TIAM2: variants seen among roughly 807,000 people sequenced by gnomAD.
TIAM2 encodes TIAM Rac1 associated GEF 2.
In TIAM2, 80 loss-of-function variants were observed where a neutral mutation model predicts 152.9. That is an observed-to-expected ratio of 0.52 (90% CI 0.44 to 0.63). The LOEUF (loss-of-function observed/expected upper bound fraction) is 0.63. Ranked by LOEUF, TIAM2 falls within the 30% of genes least tolerant of loss-of-function variation. The probability of loss-of-function intolerance (pLI) is 0.00; values close to 1 mark genes in which losing one functional copy is unlikely to be tolerated. For missense variants in TIAM2, 1,965 were observed against 2,120.1 expected, an observed-to-expected ratio of 0.93 and a Z score of 1.44; for synonymous variants, 804 against 838.0, an observed-to-expected ratio of 0.96 and a Z score of 0.70.
chr6:155,031,990 A>T (rs1193214186), intron 1 of TIAM2, among the ~76,000 whole-genome samples: 1 of 152,176 alleles, frequency 6.6e-6, no homozygotes, highest in East Asian at 1.9e-4. Context: ...TAGGGGCTTG[A>T]AAAGGTAAGA....
chr6:155,203,221 A>G (rs1018088163), intron 14 of TIAM2, among the ~76,000 whole-genome samples: 3 of 152,136 alleles, frequency 2.0e-5, no homozygotes, highest in African/African-American at 4.8e-5. Context: ...ACATAATGCT[A>G]TTATGCCTAG....
chr6:155,222,627 AAAC>A (rs1782094370), intron 15 of TIAM2, among the ~76,000 whole-genome samples: 1 of 84,464 alleles, frequency 1.2e-5, no homozygotes, highest in Non-Finnish European at 2.6e-5. Flanking sequence ...CAAAAAAAAA[AAAC>A]ACAAAAAAAA....
chr6:155,220,152 C>A (rs1399040367), intron 15 of TIAM2, among the ~76,000 whole-genome samples: 2 of 152,224 alleles, frequency 1.3e-5, no homozygotes, highest in Non-Finnish European at 2.9e-5. Flanking sequence ...ATGGTCTGTG[C>A]TGTGGGCTAA....
At chr6:155,192,095 A>G (rs1186316102) in intron 14 of TIAM2, among the ~76,000 whole-genome samples, 1 of 152,114 alleles carries the variant, frequency 6.6e-6, no homozygotes, top group Non-Finnish European at 1.5e-5. Flanking sequence ...TCAGAATCAG[A>G]GAAGTAAATG....
intron 2 of TIAM2, among the ~76,000 whole-genome samples, chr6:155,122,913 C>A (rs910105345): frequency 4.0e-5 from 6 of 151,690 alleles, no homozygotes; most frequent in African/African-American, 1.5e-4. Flanking sequence ...TTTTTCAGCC[C>A]CCTTTCTATT....
At chr6:155,198,794 T>A (rs1202980723) in intron 14 of TIAM2, among the ~76,000 whole-genome samples, 1 of 151,966 alleles carries the variant, frequency 6.6e-6, no homozygotes, top group Non-Finnish European at 1.5e-5. Flanking sequence ...TCTTTATAAA[T>A]CTGATGCAAG....
intron 2 of TIAM2, among the ~76,000 whole-genome samples, chr6:155,104,151 C>T (rs961950122): frequency 2.0e-5 from 3 of 149,986 alleles, no homozygotes; most frequent in Admixed American, 6.8e-5. Context: ...ACTTCAGTCC[C>T]GGGGCTTGTG....
intron 1 of TIAM2, among the ~76,000 whole-genome samples, chr6:155,028,407 G>T (rs1477480454): frequency 4.0e-5 from 5 of 125,758 alleles, no homozygotes; most frequent in Non-Finnish European, 6.4e-5. Flanking sequence ...TATATATACT[G>T]TGTTACATAT....
intron 4 of TIAM2, among the ~76,000 whole-genome samples, chr6:155,131,372 A>C (rs943461063): frequency 6.6e-6 from 1 of 151,712 alleles, no homozygotes; most frequent in African/African-American, 2.4e-5. Flanking sequence ...GTAAGTACAG[A>C]GTTGGAGAGA....
intron 5 of TIAM2, among the ~76,000 whole-genome samples, chr6:155,143,596 T>C (rs1192633505): frequency 6.6e-6 from 1 of 152,218 alleles, no homozygotes; most frequent in African/African-American, 2.4e-5. Context: ...TTCTCATAAA[T>C]GGCAAAGTCC....
Position 155,045,923 on chromosome 6 carries a change from C to T in TIAM2, c.-208-44366C>T, listed in dbSNP as rs544872182. On this transcript the variant is annotated intron_variant, in intron 1 of 26. Transcript: ENST00000682666. The stretch of plus-strand genomic sequence containing the variant: ...TACAACCTACTGCTGTGGTGCCCAG[C>T]TTTAAGGGTTCTGTTTTAATGAGGA... Among the ~76,000 whole-genome samples the T allele has an allele frequency of 1.1e-3, 152 of 142,052 alleles. No homozygotes were observed. The Middle Eastern group carries it at 0.011, about 11-fold the overall frequency. 93.2% of individuals were successfully genotyped at this position (142,052 alleles called of 152,430 possible).
intron 1 of TIAM2, among the ~76,000 whole-genome samples, chr6:155,067,205 T>C (rs995455997): frequency 2.6e-5 from 4 of 152,148 alleles, no homozygotes; most frequent in African/African-American, 7.2e-5. Context: ...CATTCTGGGA[T>C]GGCACAGAGC....
rs1178507479 is a variant in TIAM2 at position 155,256,867 on chromosome 6, G to A, written c.4852G>A (p.Gly1618Ser). The change falls in exon 27 of 27, where the codon GGT becomes AGT. Residue 1618 changes from glycine to serine, a missense_variant. This residue lies in a region of TIAM2 where 935 missense variants were observed against 980.0 expected (regional missense o/e 0.95). Transcript: ENST00000682666. ...EQQPGPESGE[G>S]QKGGEQPKLV... ...GCAGCCTGGCCCGGAGTCGGGTGAG[G>A]GTCAGAAAGGAGGAGAGCAGCCCAA... 5 of 1,614,154 alleles carry A rather than the reference G, an allele frequency of 3.1e-6. No individual in the cohort carries two copies. The highest frequency in any genetic ancestry group is 3.4e-6 in the Non-Finnish European group (4 of 1,180,028).
chr6:155,036,568 A>G (rs1776925696), intron 1 of TIAM2, among the ~76,000 whole-genome samples: 1 of 148,982 alleles, frequency 6.7e-6, no homozygotes, highest in Middle Eastern at 3.5e-3. Flanking sequence ...TGTTGGCTCT[A>G]AAGTTTGGAG....
intron 9 of TIAM2, among the ~76,000 whole-genome samples, chr6:155,168,502 G>C (rs1367869577): frequency 6.6e-6 from 1 of 152,016 alleles, no homozygotes; most frequent in Non-Finnish European, 1.5e-5. Context: ...GACCACAGGC[G>C]GGTGCCACCA....
chr6:155,233,418 ACT>A (rs1288412550), intron 15 of TIAM2, among the ~76,000 whole-genome samples: 1 of 151,912 alleles, frequency 6.6e-6, no homozygotes, highest in African/African-American at 2.4e-5. Context: ...TTTGACAAAG[ACT>A]CTGTCCTTCA....
intron 1 of TIAM2, among the ~76,000 whole-genome samples, chr6:155,030,754 C>G (rs1430862614): frequency 6.6e-6 from 1 of 152,142 alleles, no homozygotes; most frequent in African/African-American, 2.4e-5. Context: ...TTGGATTCTG[C>G]TTTTCACTAT....
At chr6:155,017,492 C>G (rs1460480582) in intron 1 of TIAM2, among the ~76,000 whole-genome samples, 2 of 144,076 alleles carry the variant, frequency 1.4e-5, no homozygotes, top group African/African-American at 5.2e-5. Context: ...ACAAGATCAC[C>G]TACTCCATTT....
intron 2 of TIAM2, among the ~76,000 whole-genome samples, chr6:155,104,058 C>CAAA (rs1562316987): frequency 1.7e-5 from 1 of 60,320 alleles, no homozygotes; most frequent in Non-Finnish European, 3.5e-5. Flanking sequence ...CCCCACACCC[C>CAAA]CACACACCCC....
Sources: allele counts gnomAD v4.1 joint callset (sites outside exome capture counted in the v4.1 genomes callset), GRCh38; gene constraint gnomAD v4.1.1; regional missense constraint gnomAD v4.1.1; transcripts MANE v1.5; gene names NCBI Gene and HGNC (gene_info 2026-07-23, HGNC 2026-07-21).